The following ALS2 variants were observed in gnomAD, a reference collection of about 807,000 sequenced individuals.
ALS2 encodes the protein alsin Rho guanine nucleotide exchange factor ALS2.
In ALS2, 117 loss-of-function variants were observed where a neutral mutation model predicts 203.4. The ratio of observed to expected loss-of-function variants is 0.58; its 90% CI spans 0.50 to 0.67. ALS2 has a LOEUF of 0.67. Ranked by LOEUF, ALS2 falls within the 30% of genes least tolerant of loss-of-function variation. ALS2 has a pLI of 0.00. For missense variants in ALS2, 1,715 were observed against 1,989.4 expected, an observed-to-expected ratio of 0.86 and a Z score of 2.62; for synonymous variants, 718 against 725.9, an observed-to-expected ratio of 0.99 and a Z score of 0.17.
At position 201,726,471 on chromosome 2, in the gene ALS2, A is replaced by T. The variant is rs1191278513; in HGVS notation, c.3248+13T>A. 6.2e-7 allele frequency: 1 copy of T among 1,610,798 alleles called. No individual in the cohort carries two copies. Among genetic ancestry groups the T allele is most frequent in the East Asian group, 2.2e-5 (1 of 44,864 alleles). Reference sequence around the variant, plus strand: ...ACTTGAATTTACTGTCATGTTTTACACAATTTTCTTACCCATCTTCCAAGC... The same window carrying T: ...ACTTGAATTTACTGTCATGTTTTACTCAATTTTCTTACCCATCTTCCAAGC... On this transcript the variant is annotated intron_variant, in intron 19 of 33. Coordinates refer to ENST00000264276, the MANE Select transcript of ALS2 (RefSeq NM_020919.4).
At chr2:201,728,750 G>A (rs1282161308) in intron 14 of ALS2, 110 bp from the exon 15 acceptor site, 1 of 1,320,338 alleles carries the variant, frequency 7.6e-7, no homozygotes, top group African/African-American at 1.5e-5. Flanking sequence ...GCTGGTCGTA[G>A]CTTAGCTTGG....
intron 8 of ALS2, among the ~76,000 whole-genome samples, chr2:201,748,966 G>A (rs1158089449): frequency 1.3e-5 from 2 of 152,134 alleles, no homozygotes; most frequent in African/African-American, 2.4e-5. Context: ...TCTTGGGAAC[G>A]GGGAGATATC....
At chr2:201,723,567 A>T (rs933835154) in intron 21 of ALS2, 126 bp from the exon 22 acceptor site, 5 of 796,350 alleles carry the variant, frequency 6.3e-6, no homozygotes, top group African/African-American at 5.1e-5. Flanking sequence ...TTTCTAGTTA[A>T]AATAGTTAAC....
intron 3 of ALS2, chr2:201,762,658 T>A (rs1361062346): frequency 1.3e-5 from 2 of 152,264 alleles, no homozygotes; most frequent in African/African-American, 4.8e-5. Flanking sequence ...CTGGACTTTA[T>A]GTACTAGATA....
intron 29 of ALS2, 80 bp downstream of exon 29, chr2:201,706,766 T>C: frequency 6.7e-7 from 1 of 1,491,474 alleles, no homozygotes; most frequent in South Asian, 1.1e-5. Flanking sequence ...TAATTAGATA[T>C]CAAAGTGCCA....
chr2:201,753,177 T>G lies in ALS2; in HGVS notation c.1706A>C (p.Tyr569Ser), dbSNP rs1322905913. Residue 569 changes from tyrosine (Y) to serine (S), a missense_variant, in exon 7 of 34, where the codon TAC becomes TCC. Coordinates refer to ENST00000264276, the MANE Select transcript of ALS2 (RefSeq NM_020919.4). ...KEVIHLEAGG[Y>S]HSLALTAKSQ... ...TTTCGCAGTAAGTGCAAGAGAATGG[T>G]AACCACCTGCCTCCAGATGGATTAC... 6.2e-7 allele frequency: 1 copy of G among 1,614,022 alleles called. No individual in the cohort carries two copies. Among genetic ancestry groups the G allele is most frequent in the African/African-American group, 1.3e-5 (1 of 74,940 alleles).
At chr2:201,735,437 TG>T (rs1448949826) in intron 12 of ALS2, among the ~76,000 whole-genome samples, 1 of 152,208 alleles carries the variant, frequency 6.6e-6, no homozygotes, top group East Asian at 1.9e-4. Context: ...GCAAGCCTGA[TG>T]TGAGCAGCTG....
At position 201,760,243 on chromosome 2, in the gene ALS2, C is replaced by G. The variant is rs970091547; in HGVS notation, c.1113+638G>C. 3.9e-5 allele frequency: 31 copies of G among 786,918 alleles called. No individual in the cohort carries two copies. The African/African-American group carries it at 5.5e-4, about 14-fold the overall frequency. The allele number at this position is 786,918 out of a possible 1,614,324, so 48.7% of individuals were successfully genotyped here. ...GGAGGATCGCTTGAACCTGGGAGAT[C>G]GAGGCTGCAGTGAGCCACAATCGCA... On this transcript the variant is annotated intron_variant, in intron 4 of 33. Coordinates refer to ENST00000264276, the MANE Select transcript of ALS2 (RefSeq NM_020919.4).
rs943096015 is a variant in ALS2 at position 201,754,656 on chromosome 2, A to G, written c.1487T>C (p.Leu496Ser). 4 of 1,613,984 alleles carry G rather than the reference A, an allele frequency of 2.5e-6. No homozygotes were observed. In the African/African-American group the frequency reaches 5.3e-5, roughly 22 times the overall value. ...GLLSQVSPRL[L>S]RKAARVKTRT... ...CGTTTTCACCCGTGCAGCCTTTCTT[A>G]AGAGCCTGGGGGAAACTGAAAACCA... Residue 496 changes from leucine to serine, a missense_variant, in exon 6 of 34, where the codon TTA becomes TCA. By Grantham distance (145) the Leu-to-Ser change is moderately radical (BLOSUM62 -2). This residue lies in a region of ALS2 where 1,227 missense variants were observed against 1,413.5 expected (regional missense o/e 0.87). Transcript: ENST00000264276.
chr2:201,745,854 C>T (rs2106054657), intron 9 of ALS2, among the ~76,000 whole-genome samples: 1 of 152,242 alleles, frequency 6.6e-6, no homozygotes, highest in South Asian at 2.1e-4. Context: ...GAGACTGAGG[C>T]AGGAGAATTG....
chr2:201,721,661 A>G (rs1401602863), intron 23 of ALS2, among the ~76,000 whole-genome samples: 1 of 138,576 alleles, frequency 7.2e-6, no homozygotes, highest in Admixed American at 7.0e-5. Flanking sequence ...AGGCAAAACT[A>G]TAAAACTTTC....
At position 201,726,601 on chromosome 2, in the gene ALS2, T is replaced by C. The variant is rs779921822; in HGVS notation, c.3183-52A>G. 1.7e-5 allele frequency: 28 copies of C among 1,609,454 alleles called. No individual in the cohort carries two copies. In the South Asian group the frequency reaches 2.9e-4, roughly 16 times the overall value. On this transcript the variant is annotated intron_variant, in intron 18 of 33. Coordinates refer to ENST00000264276, the MANE Select transcript of ALS2 (RefSeq NM_020919.4). Reference sequence around the variant, plus strand: ...CATGTCAACTAATATTTCAGATAATTAATACTTTTTCTATCATGTGATGAT... The same window carrying C: ...CATGTCAACTAATATTTCAGATAATCAATACTTTTTCTATCATGTGATGAT...
chr2:201,708,110 C>A lies in ALS2; in HGVS notation c.4281-119G>T. The A allele has an allele frequency of 6.6e-6, 6 of 910,014 alleles. No individual in the cohort carries two copies. The South Asian group carries it at 9.1e-5, about 14-fold the overall frequency. The allele number at this position is 910,014 out of a possible 1,614,324, so 56.4% of individuals were successfully genotyped here. Reference sequence around the variant, plus strand: ...TTATTATCAACTAAGTATTTTAGTTCCCTGAGAAAACTGATGTTTCTAACA... The same window carrying A: ...TTATTATCAACTAAGTATTTTAGTTACCTGAGAAAACTGATGTTTCTAACA... On this transcript the variant is annotated intron_variant, in intron 27 of 33. Coordinates refer to ENST00000264276, the MANE Select transcript of ALS2 (RefSeq NM_020919.4).
chr2:201,704,357 T>TA (rs1689570727), intron 32 of ALS2, 97 bp downstream of exon 32: 3 of 1,535,102 alleles, frequency 2.0e-6, no homozygotes, highest in Non-Finnish European at 2.7e-6. Flanking sequence ...GATTTTTTTC[T>TA]AGTGGAAGAG....
rs1693783368 is a variant in ALS2, at chr2:201,761,755, C to T, written c.239G>A (p.Ser80Asn). Residue 80 changes from serine to asparagine, a missense_variant, in exon 4 of 34, where the codon AGT (serine) becomes AAT (asparagine). By Grantham distance (46) the Ser-to-Asn change is conservative. Around this residue, in one of 3 missense-constraint regions of ALS2, gnomAD observed 476 missense variants for 539.3 expected, o/e 0.88. Transcript: ENST00000264276. Reference sequence around the variant, plus strand: ...CAGGGCATTTTCTAGAATGGGGCTACTTGGACAAATCTCCACTGGTCCACT... The same window carrying T: ...CAGGGCATTTTCTAGAATGGGGCTATTTGGACAAATCTCCACTGGTCCACT... ...WRSGPVEICP[S>N]SPILENALVG... The T allele has an allele frequency of 6.2e-7, 1 of 1,613,776 alleles. No individual in the cohort carries two copies. The highest frequency in any genetic ancestry group is 8.5e-7 in the Non-Finnish European group (1 of 1,179,976).
At chr2:201,723,231 T>C (rs1690923587) in intron 22 of ALS2, 99 bp downstream of exon 22, 2 of 1,381,582 alleles carry the variant, frequency 1.4e-6, no homozygotes, top group Admixed American at 3.4e-5. Context: ...AGGAAAATAG[T>C]ACTAAGAAGG....
chr2:201,761,843 G>GAA, intron 3 of ALS2, 25 bp from the exon 4 acceptor site: 3 of 1,483,154 alleles, frequency 2.0e-6, no homozygotes, highest in African/African-American at 1.5e-5. Context: ...AAAGAAAAAA[G>GAA]AAAAAAAAAA....
Position 201,705,464 on chromosome 2 carries a change from A to G in ALS2, c.4581-3T>C, listed in dbSNP as rs766074258. On this transcript the variant is annotated splice_polypyrimidine_tract_variant and splice_region_variant and intron_variant, in intron 29 of 33. Coordinates refer to ENST00000264276, the MANE Select transcript of ALS2 (RefSeq NM_020919.4). ...ACAAGGTTGCTGGCCAAAATTTCCT[A>G]TAATGGAATCCATAAATTATTAATA... 48 of 1,609,252 alleles carry G rather than the reference A, an allele frequency of 3.0e-5. No individual in the cohort carries two copies. Among genetic ancestry groups the G allele is most frequent in the Non-Finnish European group, 3.6e-5 (42 of 1,175,814 alleles).
chr2:201,729,132 G>A lies in ALS2; in HGVS notation c.2632C>T (p.Leu878Phe), dbSNP rs568716023. The A allele has an allele frequency of 7.4e-5, 120 of 1,613,304 alleles. No homozygotes were observed. Among genetic ancestry groups the A allele is most frequent in the Non-Finnish European group, 9.0e-5 (106 of 1,179,934 alleles). The change falls in exon 14 of 34, where the codon CTT (leucine) becomes TTT (phenylalanine). Residue 878 changes from leucine (L) to phenylalanine (F), a missense_variant. Physicochemically the swap from Leu to Phe is conservative, Grantham distance 22. Around this residue, in one of 3 missense-constraint regions of ALS2, gnomAD observed 1,227 missense variants for 1,413.5 expected, o/e 0.87. Coordinates refer to ENST00000264276, the MANE Select transcript of ALS2 (RefSeq NM_020919.4). ...CTTTTCCTGCCGAGATGGAGAGCAA[G>A]ACACTCATAACAAGAACTGGAATCC... Reference protein sequence around the residue: ...LQDSSSCYECLALHLGRKRKE... With the variant: ...LQDSSSCYECFALHLGRKRKE...
Sources: gnomAD v4.1 joint callset for allele counts (sites outside exome capture counted in the v4.1 genomes callset) on GRCh38, gnomAD v4.1.1 for gene constraint, gnomAD v4.1.1 regional missense constraint, MANE v1.5 for transcripts, NCBI Gene and HGNC (gene_info 2026-07-23, HGNC 2026-07-21) for gene names.